TUBGCP6: variants seen among roughly 807,000 people sequenced by gnomAD.
TUBGCP6 encodes gamma-tubulin complex component 6.
TUBGCP6 carries 161 observed loss-of-function variants against 175.8 expected under a neutral mutation model. The observed-to-expected ratio is 0.92, with a 90% CI of 0.81 to 1.04. The LOEUF (loss-of-function observed/expected upper bound fraction) is 1.04, where lower values mean the gene tolerates loss of function less well. Ranked by LOEUF, TUBGCP6 falls within the 50% of genes least tolerant of loss-of-function variation. TUBGCP6 has a pLI of 0.00. For synonymous variants in TUBGCP6, 1,173 were observed against 1,030.5 expected, an observed-to-expected ratio of 1.14 and a Z score of -2.65; for missense variants, 2,572 against 2,433.0, an observed-to-expected ratio of 1.06 and a Z score of -1.20.
At chr22:50,220,216 G>C in intron 16 of TUBGCP6, 35 bp downstream of exon 16, 1 of 1,545,398 alleles carries the variant, frequency 6.5e-7, no homozygotes. Flanking sequence ...GCGTCCCACA[G>C]TCCCACTCCT....
At chr22:50,220,145 A>C (rs769820687) in intron 16 of TUBGCP6, 106 bp downstream of exon 16, 19 of 1,546,146 alleles carry the variant, frequency 1.2e-5, no homozygotes, top group Admixed American at 5.6e-5. Flanking sequence ...GCTGACAAGG[A>C]GGCCTGAGGG....
intron 1 of TUBGCP6, among the ~76,000 whole-genome samples, chr22:50,242,255 G>A (rs188110726): frequency 2.3e-4 from 35 of 151,868 alleles, no homozygotes; most frequent in Non-Finnish European, 4.6e-4. Context: ...TTGTGCCACC[G>A]CACTCGAGCC....
chr22:50,243,248 G>C (rs1206407421), intron 1 of TUBGCP6, among the ~76,000 whole-genome samples: 1 of 152,204 alleles, frequency 6.6e-6, no homozygotes, highest in East Asian at 1.9e-4. Context: ...AGGAGTTCAA[G>C]ACCAGCCTAG....
At chr22:50,231,989 G>A (rs934699654) in intron 3 of TUBGCP6, among the ~76,000 whole-genome samples, 6 of 152,184 alleles carry the variant, frequency 3.9e-5, no homozygotes, top group African/African-American at 1.4e-4. Context: ...GGGAGGCTGA[G>A]GCAGGCAGAT....
At position 50,217,829 on chromosome 22, in the gene TUBGCP6, T is replaced by C. The variant is rs1173659912; in HGVS notation, c.5369-2A>G. On this transcript the variant is annotated splice_acceptor_variant, in intron 24 of 24. Coordinates refer to ENST00000248846, the MANE Select transcript of TUBGCP6 (RefSeq NM_020461.4). LOFTEE classifies it high-confidence loss of function. ...CGCGGTTCACCAGCTTGGTCACCAC[T>C]GGGGACCAGCGAGCAGCTCAGGCTT... 1 of 1,613,688 alleles carries C rather than the reference T, an allele frequency of 6.2e-7. No individual in the cohort carries two copies. Among genetic ancestry groups the C allele is most frequent in the South Asian group, 1.1e-5 (1 of 91,044 alleles).
Position 50,220,807 on chromosome 22 carries a change from C to G in TUBGCP6, c.3552G>C (p.Arg1184=). 3 of 1,602,312 alleles carry G rather than the reference C, an allele frequency of 1.9e-6. No individual in the cohort carries two copies. The highest frequency in any genetic ancestry group is 2.6e-6 in the Non-Finnish European group (3 of 1,175,884). The change falls in exon 16 of 25, where the codon CGG becomes CGC. Residue 1184 remains arginine (R), a synonymous_variant. Coordinates refer to ENST00000248846, the MANE Select transcript of TUBGCP6 (RefSeq NM_020461.4). ...CAGACACGTGTCCATGGGTGTTCCA[C>G]CGTGGCCGGGCGGGAGCCATGTCTG... The part of the protein sequence containing the change: ...SVSDMAPARP[R]WNTHGHVSDA...
chr22:50,224,041 G>T, intron 13 of TUBGCP6, 100 bp downstream of exon 13: 1 of 1,082,600 alleles, frequency 9.2e-7, no homozygotes, highest in Non-Finnish European at 1.4e-6. Flanking sequence ...TATGTTTGAA[G>T]GTTTTCAAAA....
intron 2 of TUBGCP6, among the ~76,000 whole-genome samples, chr22:50,234,681 C>G (rs2064745071): frequency 6.7e-6 from 1 of 148,244 alleles, no homozygotes; most frequent in African/African-American, 2.5e-5. Flanking sequence ...ACAGCAGCAT[C>G]TACACCCAGG....
rs376698900 is a variant in TUBGCP6, at chr22:50,221,645, C to T, written c.2714G>A (p.Gly905Glu). The T allele has an allele frequency of 2.4e-5, 36 of 1,524,602 alleles. No individual in the cohort carries two copies. Among genetic ancestry groups the T allele is most frequent in the Non-Finnish European group, 2.8e-5 (32 of 1,136,404 alleles). 94.4% of individuals were successfully genotyped at this position (1,524,602 alleles called of 1,614,324 possible). A position where few individuals can be genotyped will look rare whatever the true frequency, so the allele number is the denominator to read the frequency against. The change falls in exon 16 of 25, where the codon GGG (glycine) becomes GAG (glutamate). Residue 905 changes from glycine (G) to glutamate (E), a missense_variant. Coordinates refer to ENST00000248846, the MANE Select transcript of TUBGCP6 (RefSeq NM_020461.4). Reference protein sequence around the residue: ...SIGDFLPVGPGAEPSVQTGMV... With the variant: ...SIGDFLPVGPEAEPSVQTGMV... ...GCCAGTCTGCACGGACGGCTCAGCC[C>T]CTGGGCCCACAGGTAGGAAGTCTCC...
rs1352160750 is a variant in TUBGCP6 at position 50,227,005 on chromosome 22, A to C, written c.1485T>G (p.Phe495Leu). Reference protein sequence around the residue: ...GTCGGGPRAAFPTGVKLLSYL... With the variant: ...GTCGGGPRAALPTGVKLLSYL... Reference sequence around the variant, plus strand: ...GCAGGGACGCACAACTCACGGTGGGAAACGCGGCCCTGGGGCCTCCTCCAC... The same window carrying C: ...GCAGGGACGCACAACTCACGGTGGGCAACGCGGCCCTGGGGCCTCCTCCAC... The change falls in exon 6 of 25, where the codon TTT becomes TTG. Residue 495 changes from phenylalanine to leucine, a missense_variant. Coordinates refer to ENST00000248846, the MANE Select transcript of TUBGCP6 (RefSeq NM_020461.4). 6.2e-7 allele frequency: 1 copy of C among 1,611,920 alleles called. No individual in the cohort carries two copies. Among genetic ancestry groups the C allele is most frequent in the Non-Finnish European group, 8.5e-7 (1 of 1,179,426 alleles).
intron 1 of TUBGCP6, among the ~76,000 whole-genome samples, chr22:50,243,484 G>A (rs2064867803): frequency 6.6e-6 from 1 of 151,048 alleles, no homozygotes; most frequent in Non-Finnish European, 1.5e-5. Context: ...CGGGCGTGGT[G>A]GCAGGTGCCT....
chr22:50,227,178 G>A (rs957482836), intron 5 of TUBGCP6, 101 bp from the exon 6 acceptor site: 96 of 1,092,166 alleles, frequency 8.8e-5, no homozygotes, highest in South Asian at 1.6e-4. Flanking sequence ...TGCTCCCTGG[G>A]GCAACTAACT....
rs201357787 is a variant in TUBGCP6, at chr22:50,219,741, T to G, written c.4218A>C (p.Ala1406=). The G allele has an allele frequency of 3.1e-6, 5 of 1,613,680 alleles. No homozygotes were observed. The highest frequency in any genetic ancestry group is 4.2e-6 in the Non-Finnish European group (5 of 1,180,006). The change falls in exon 18 of 25, where the codon GCA becomes GCC. Residue 1406 remains alanine, a synonymous_variant. Coordinates refer to ENST00000248846, the MANE Select transcript of TUBGCP6 (RefSeq NM_020461.4). The part of the protein sequence containing the change: ...SSPGRGEEAE[A]SAAEAQGGEQ... ...CCCCACCCTGAGCCTCCGCCGCCGATGCCTCCGCCTCCTCACCACGGCCTG... is the reference window on the plus strand; with the variant it reads ...CCCCACCCTGAGCCTCCGCCGCCGAGGCCTCCGCCTCCTCACCACGGCCTG...
In TUBGCP6 at chr22:50,221,367, C is replaced by G. The variant is rs200646866; in HGVS notation, c.2992G>C (p.Ala998Pro). The change falls in exon 16 of 25, where the codon GCC becomes CCC. Residue 998 changes from alanine to proline, a missense_variant. Coordinates refer to ENST00000248846, the MANE Select transcript of TUBGCP6 (RefSeq NM_020461.4). ...GAGGGGAGCAGAGTCTCCCGCGAGG[C>G]GGAGCCACAGGCATCCATCTTCCCA... is the stretch of plus-strand genomic sequence containing the variant. ...SCGKMDACGS[A>P]SRETLLPSHP... 6.2e-7 allele frequency: 1 copy of G among 1,610,776 alleles called. No homozygotes were observed. The highest frequency in any genetic ancestry group is 1.1e-5 in the South Asian group (1 of 91,054).
At chr22:50,239,589 G>A (rs2064815583) in intron 2 of TUBGCP6, among the ~76,000 whole-genome samples, 2 of 152,234 alleles carry the variant, frequency 1.3e-5, no homozygotes, top group Non-Finnish European at 2.9e-5. Flanking sequence ...GCCAGGGAGT[G>A]AGTGGCTACC....
At chr22:50,224,443 G>A (rs781765786) in intron 11 of TUBGCP6, 23 bp from the exon 12 acceptor site, 4 of 1,613,964 alleles carry the variant, frequency 2.5e-6, no homozygotes, top group South Asian at 1.1e-5. Context: ...AGTAAGGGGC[G>A]CACTGTCACA....
chr22:50,244,731 G>C lies in TUBGCP6; in HGVS notation c.-272C>G, dbSNP rs544420653. 8.0e-5 allele frequency: 39 copies of C among 485,294 alleles called. No individual in the cohort carries two copies. The highest frequency in any genetic ancestry group is 1.3e-4 in the Non-Finnish European group (35 of 273,648). The allele number at this position is 485,294 out of a possible 1,614,324, so 30.1% of individuals were successfully genotyped here. On this transcript the variant is annotated 5_prime_UTR_variant, in exon 1 of 25. Coordinates refer to ENST00000248846, the MANE Select transcript of TUBGCP6 (RefSeq NM_020461.4). ...GCTCGGCGTTTCTTCTAATTCAGTAGCCCTCAACCTTTAGGGAGTCACAGA... is the reference window on the plus strand; with the variant it reads ...GCTCGGCGTTTCTTCTAATTCAGTACCCCTCAACCTTTAGGGAGTCACAGA...
At chr22:50,232,501 G>A (rs58135057) in intron 3 of TUBGCP6, among the ~76,000 whole-genome samples, 6,818 of 152,154 alleles carry the variant, frequency 0.045, 531 homozygotes, top group African/African-American at 0.16. Context: ...CGAGGCTACT[G>A]TGAGCTGTGA....
At position 50,224,514 on chromosome 22, in the gene TUBGCP6, T is replaced by C; in HGVS notation, c.2062A>G (p.Ser688Gly). ...GGGAGGACTTGGGGCCACTCACCACTCAGTGCACTCAGGACCCTGGATGCT... is the reference window on the plus strand; with the variant it reads ...GGGAGGACTTGGGGCCACTCACCACCCAGTGCACTCAGGACCCTGGATGCT... ...EAASRVLSAL[S>G]DRQMSERMAL... Residue 688 changes from serine (S) to glycine (G), a missense_variant, in exon 11 of 25, where the codon AGT becomes GGT. Physicochemically the swap from Ser to Gly is moderately conservative, Grantham distance 56. Transcript: ENST00000248846. 1 of 1,614,114 alleles carries C rather than the reference T, an allele frequency of 6.2e-7. No individual in the cohort carries two copies. The highest frequency in any genetic ancestry group is 8.5e-7 in the Non-Finnish European group (1 of 1,180,018).
Sources: allele counts gnomAD v4.1 joint callset (sites outside exome capture counted in the v4.1 genomes callset), GRCh38; gene constraint gnomAD v4.1.1; transcripts MANE v1.5; gene names NCBI Gene and HGNC (gene_info 2026-07-23, HGNC 2026-07-21).